The following MTARC1 variants were observed in gnomAD, a reference collection of about 807,000 sequenced individuals.
MTARC1 encodes the protein mitochondrial amidoxime reducing component 1.
A neutral mutation model predicts 33.6 loss-of-function variants in MTARC1; 24 were observed. That is an observed-to-expected ratio of 0.72 (90% CI 0.52 to 1.01). The LOEUF (loss-of-function observed/expected upper bound fraction) is 1.01. Ranked by LOEUF, MTARC1 falls within the 50% of genes least tolerant of loss-of-function variation. The pLI is 0.00. For synonymous variants in MTARC1, 187 were observed against 189.5 expected (o/e 0.99, Z 0.11); for missense variants, 417 against 445.7 (o/e 0.94, Z 0.58).
At chr1:220,804,794 G>A (rs1273444425) in intron 4 of MTARC1, among the ~76,000 whole-genome samples, 4 of 148,938 alleles carry the variant, frequency 2.7e-5, no homozygotes, top group East Asian at 2.0e-4. Context: ...TGAGCGAGGC[G>A]AGTTTCCATG....
In MTARC1 at chr1:220,798,492, T is replaced by C. The variant is rs12033808; in HGVS notation, c.753+478T>C. ...TGGCACTACCCTGAAATGCTTGCAG[T>C]GCCACCTTCCATCTGCCCTCAGATG... On this transcript the variant is annotated intron_variant, in intron 4 of 6. Transcript: ENST00000366910. 9,159 of 985,432 alleles carry C rather than the reference T, an allele frequency of 9.3e-3. 166 individuals carry two copies. The highest frequency in any genetic ancestry group is 0.065 in the South Asian group (1,385 of 21,284). 61.0% of individuals were successfully genotyped at this position (985,432 alleles called of 1,614,324 possible).
chr1:220,805,060 G>A lies in MTARC1; in HGVS notation c.762G>A (p.Trp254Ter), dbSNP rs757315479. 2 of 1,614,146 alleles carry A rather than the reference G, an allele frequency of 1.2e-6. No homozygotes were observed. Among genetic ancestry groups the A allele is most frequent in the East Asian group, 4.5e-5 (2 of 44,870 alleles). Residue 254 changes from tryptophan (W) to a stop codon, truncating the protein, a stop_gained, in exon 5 of 7, where the codon TGG becomes TGA. Transcript: ENST00000366910. LOFTEE classifies it high-confidence loss of function. The stretch of plus-strand genomic sequence containing the variant: ...TGTGCTTTGTCCCCTAGGATTCTTG[G>A]GATGAGCTTCTTATTGGTGACGTGG... Reference protein sequence around the residue: ...SGCDVYAEDSWDELLIGDVEL... With the variant: ...SGCDVYAEDS
chr1:220,797,749 A>C, intron 3 of MTARC1, 125 bp from the exon 4 acceptor site: 1 of 874,064 alleles, frequency 1.1e-6, no homozygotes, highest in Non-Finnish European at 1.7e-6. Flanking sequence ...AGAACAAGAG[A>C]ACTACTTTGA....
At chr1:220,794,053 A>C (rs1672523371) in intron 2 of MTARC1, 1 of 152,220 alleles carries the variant, frequency 6.6e-6, no homozygotes, top group Admixed American at 6.5e-5. Context: ...TAAATGGCCC[A>C]AGATAGATGC....
At chr1:220,797,369 T>A (rs1386351609) in intron 3 of MTARC1, among the ~76,000 whole-genome samples, 1 of 152,190 alleles carries the variant, frequency 6.6e-6, no homozygotes, top group Non-Finnish European at 1.5e-5. Context: ...GAGGCTGCAG[T>A]GATCTGTGAT....
intron 4 of MTARC1, 88 bp downstream of exon 4, chr1:220,798,102 A>ATT: frequency 6.2e-7 from 1 of 1,612,140 alleles, no homozygotes; most frequent in East Asian, 2.2e-5. Context: ...GATTATTCTG[A>ATT]AGGGTGCATT....
rs1673254810 is a variant in MTARC1 at position 220,815,131 on chromosome 1, G to A, written c.*1713G>A. ...ACCTTCCCCAACAAGTCCAGTTGAT[G>A]TTGAAACTACAGATAGATTGAGACA... On this transcript the variant is annotated 3_prime_UTR_variant, in exon 7 of 7. Coordinates refer to ENST00000366910, the MANE Select transcript of MTARC1 (RefSeq NM_022746.4). The A allele has an allele frequency of 6.6e-6, 1 of 152,250 alleles. No homozygotes were observed. The highest frequency in any genetic ancestry group is 2.4e-5 in the African/African-American group (1 of 41,468). The allele number at this position is 152,250 out of a possible 1,614,324, so 9.4% of individuals were successfully genotyped here.
intron 6 of MTARC1, among the ~76,000 whole-genome samples, chr1:220,812,335 C>T (rs2642449): frequency 0.87 from 132,617 of 152,258 alleles, 57,907 homozygotes; most frequent in African/African-American, 0.92. Context: ...TGGAGAGCCA[C>T]GGAAGGTTTG....
At chr1:220,808,724 A>G (rs1673042918) in intron 6 of MTARC1, 2 of 429,440 alleles carry the variant, frequency 4.7e-6, no homozygotes, top group South Asian at 1.8e-5. Context: ...CCGCGGTGGT[A>G]CAGCAGTGGG....
At chr1:220,798,476 C>T in intron 4 of MTARC1, 1 of 985,404 alleles carries the variant, frequency 1.0e-6, no homozygotes, top group East Asian at 1.1e-4. Context: ...ATGGCACTAC[C>T]CTGAAATGCT....
intron 1 of MTARC1, among the ~76,000 whole-genome samples, chr1:220,790,339 G>C (rs1324046050): frequency 6.6e-6 from 1 of 152,218 alleles, no homozygotes; most frequent in Non-Finnish European, 1.5e-5. Flanking sequence ...GCACGCCCTT[G>C]TTTAGGAGTT....
chr1:220,792,765 A>T (rs184260899), intron 2 of MTARC1, among the ~76,000 whole-genome samples: 13 of 152,082 alleles, frequency 8.5e-5, no homozygotes, highest in African/African-American at 3.1e-4. Context: ...TAATACAAAA[A>T]ATCCTTTAAT....
chr1:220,804,521 ATACT>A (rs1168046188), intron 4 of MTARC1, among the ~76,000 whole-genome samples: 1 of 152,138 alleles, frequency 6.6e-6, no homozygotes, highest in Non-Finnish European at 1.5e-5. Flanking sequence ...TGCTTCGTAA[ATACT>A]TCAGCAAAAA....
At chr1:220,796,910 C>T (rs1672640145) in intron 3 of MTARC1, 105 bp downstream of exon 3, 2 of 1,175,636 alleles carry the variant, frequency 1.7e-6, no homozygotes, top group Non-Finnish European at 2.4e-6. Context: ...CTGGGGCAGC[C>T]CTCTGGTAGC....
intron 1 of MTARC1, 80 bp from the exon 2 acceptor site, chr1:220,791,411 C>A: frequency 1.4e-6 from 2 of 1,469,116 alleles, no homozygotes; most frequent in Non-Finnish European, 9.3e-7. Flanking sequence ...AAGATGACAA[C>A]AGTGTCTAAT....
intron 2 of MTARC1, 111 bp from the exon 3 acceptor site, chr1:220,796,532 A>G (rs1001033828): frequency 2.4e-6 from 3 of 1,265,356 alleles, no homozygotes; most frequent in Admixed American, 6.2e-5. Context: ...GATAATTAAG[A>G]AATGACAGTA....
chr1:220,801,946 C>T (rs553407489), intron 4 of MTARC1, among the ~76,000 whole-genome samples: 3 of 150,562 alleles, frequency 2.0e-5, no homozygotes, highest in African/African-American at 7.2e-5. Flanking sequence ...CCTCACTTCT[C>T]CCTGAAGCCA....
chr1:220,810,362 G>A (rs1174282531), intron 6 of MTARC1, among the ~76,000 whole-genome samples: 1 of 152,148 alleles, frequency 6.6e-6, no homozygotes, highest in Non-Finnish European at 1.5e-5. Flanking sequence ...CTGGAGGCGG[G>A]CTTCCGCAGC....
intron 6 of MTARC1, among the ~76,000 whole-genome samples, chr1:220,811,460 A>G (rs1243295708): frequency 6.6e-6 from 1 of 152,240 alleles, no homozygotes; most frequent in Admixed American, 6.5e-5. Flanking sequence ...CAGGATGTTT[A>G]CAGTCTGGGG....
Sources: gnomAD v4.1 joint callset for allele counts (sites outside exome capture counted in the v4.1 genomes callset) on GRCh38, gnomAD v4.1.1 for gene constraint, MANE v1.5 for transcripts, NCBI Gene and HGNC (gene_info 2026-07-23, HGNC 2026-07-21) for gene names.